Variants in DLEU7 observed in about 807,000 individuals in gnomAD.
DLEU7 encodes the protein deleted in lymphocytic leukemia 7.
Under a neutral mutation model 16.0 loss-of-function variants are expected in DLEU7, and 17 were observed. The observed-to-expected ratio is 1.06, with a 90% CI of 0.73 to 1.59. DLEU7 has a LOEUF of 1.59. DLEU7 is among the 40% of genes most tolerant of loss of function. The pLI is 0.00. For missense variants in DLEU7, 308 were observed against 314.9 expected (o/e 0.98, Z 0.17); for synonymous variants, 113 against 139.8 (o/e 0.81, Z 1.35).
At chr13:50,822,779 T>C, downstream of DLEU7, 27 of 985,730 alleles carry the variant, frequency 2.7e-5, no homozygotes, top group Non-Finnish European at 3.1e-5. Context: ...AGTAAGTTAT[T>C]AATGTCAGGA....
intron 1 of DLEU7, among the ~76,000 whole-genome samples, chr13:50,736,492 A>G (rs1874074373): frequency 6.6e-6 from 1 of 152,294 alleles, no homozygotes; most frequent in South Asian, 2.1e-4. Context: ...ACATATACGC[A>G]GAACCTAAAA....
chr13:50,711,796 A>G (rs1566225472), downstream of DLEU7: 1 of 20,878 alleles, frequency 4.8e-5, no homozygotes, highest in Non-Finnish European at 7.6e-5. Context: ...ATTACTACCT[A>G]TACCTACATG....
chr13:50,771,878 A>G (rs1055889080), intron 1 of DLEU7, among the ~76,000 whole-genome samples: 1 of 152,094 alleles, frequency 6.6e-6, no homozygotes, highest in Non-Finnish European at 1.5e-5. Flanking sequence ...AAAGTCTCTC[A>G]TTATTATTGT....
chr13:50,843,913 T>C, upstream of DLEU7: 3 of 457,990 alleles, frequency 6.6e-6, no homozygotes, highest in Non-Finnish European at 7.7e-6. This position sits in a 1 kb window ranked among gnomAD's most constrained non-coding sequence, Gnocchi z 5.7. Flanking sequence ...AGCGAAATGC[T>C]GAGCGTTGCT....
At position 50,722,300 on chromosome 13, in the gene DLEU7, G is replaced by C. The variant is rs1383540047; in HGVS notation, c.460-9060C>G. Among the ~76,000 whole-genome samples the C allele has an allele frequency of 2.6e-5, 4 of 152,174 alleles. No homozygotes were observed. In the East Asian group the frequency reaches 7.7e-4, roughly 29 times the overall value. Reference sequence around the variant, plus strand: ...TCTGTATCATTATGAGAGCATGGCTGGGTTCACCTGCTTTTCCAGGAGGAG... The same window carrying C: ...TCTGTATCATTATGAGAGCATGGCTCGGTTCACCTGCTTTTCCAGGAGGAG... On this transcript the variant is annotated intron_variant, in intron 1 of 1. Transcript: ENST00000400393.
rs74804752 is a variant in DLEU7, at chr13:50,725,595, G to A, written c.460-12355C>T. Among the ~76,000 whole-genome samples, 1,387 of 152,262 alleles carry A rather than the reference G, an allele frequency of 9.1e-3. 22 individuals are homozygous for A. Among genetic ancestry groups the A allele is most frequent in the African/African-American group, 0.032 (1,325 of 41,546 alleles). The stretch of plus-strand genomic sequence containing the variant: ...TCAGAATGAAAAGTGAGCCCGTGTA[G>A]CATAATTTCATGTTTTCATCAAGAG... On this transcript the variant is annotated intron_variant, in intron 1 of 1. Transcript: ENST00000400393.
rs947340112 is a variant in DLEU7 at position 50,822,980 on chromosome 13, C to T, written c.*334G>A. ...CTTTAGACCTACATTAATATGAATACAAATTAAGGTATCATTCAATAAAAA... is the reference window on the plus strand; with the variant it reads ...CTTTAGACCTACATTAATATGAATATAAATTAAGGTATCATTCAATAAAAA... On this transcript the variant is annotated 3_prime_UTR_variant, in exon 2 of 2. Coordinates refer to ENST00000504404, the MANE Select transcript of DLEU7 (RefSeq NM_001306135.2). 4.6e-5 allele frequency: 42 copies of T among 916,480 alleles called. No individual in the cohort carries two copies. Among genetic ancestry groups the T allele is most frequent in the Non-Finnish European group, 5.4e-5 (41 of 756,972 alleles). The allele number at this position is 916,480 out of a possible 1,614,324, so 56.8% of individuals were successfully genotyped here. A position where few individuals can be genotyped will look rare whatever the true frequency, so the allele number is the denominator to read the frequency against.
At chr13:50,789,629 T>C (rs1875891248) in intron 1 of DLEU7, among the ~76,000 whole-genome samples, 1 of 152,070 alleles carries the variant, frequency 6.6e-6, no homozygotes, top group African/African-American at 2.4e-5. Context: ...CAATGCCTAC[T>C]TGATTGCAAG....
rs1874477489 is a variant in DLEU7, at chr13:50,748,777, A to G, written c.460-35537T>C. Among the ~76,000 whole-genome samples the G allele has an allele frequency of 3.3e-5, 5 of 152,126 alleles. No homozygotes were observed. The South Asian group carries it at 1.0e-3, about 31-fold the overall frequency. On this transcript the variant is annotated intron_variant, in intron 1 of 1. Coordinates refer to the DLEU7 transcript ENST00000400393. ...AGGAGAAGGAGAAGAAAAAGAAGAGAGAATTGGAGAAAAGAGAGGCGAAAT... is the reference window on the plus strand; with the variant it reads ...AGGAGAAGGAGAAGAAAAAGAAGAGGGAATTGGAGAAAAGAGAGGCGAAAT...
chr13:50,782,100 GAAGCCTTTCT>G (rs529143831), intron 1 of DLEU7, among the ~76,000 whole-genome samples: 54 of 152,254 alleles, frequency 3.5e-4, no homozygotes, highest in Non-Finnish European at 5.9e-5. Flanking sequence ...TATATTTCAA[GAAGCCTTTCT>G]TAACACTCTC....
At chr13:50,798,925 G>C (rs184531733) in intron 1 of DLEU7, among the ~76,000 whole-genome samples, 147 of 152,302 alleles carry the variant, frequency 9.7e-4, no homozygotes, top group African/African-American at 3.4e-3. Flanking sequence ...GCATGCCACT[G>C]TCCAGGGCTT....
chr13:50,723,071 A>G (rs910308817), intron 1 of DLEU7: 2 of 152,168 alleles, frequency 1.3e-5, no homozygotes, highest in Non-Finnish European at 1.5e-5. Flanking sequence ...TATGTTTCTA[A>G]TTTTCAGTGC....
chr13:50,801,400 C>T (rs780588259), intron 1 of DLEU7, among the ~76,000 whole-genome samples: 6 of 152,102 alleles, frequency 3.9e-5, no homozygotes, highest in Admixed American at 6.6e-5. Context: ...GTTCATACTT[C>T]GAAGTGTCAT....
At chr13:50,712,904 G>T in exon 2 of DLEU7, 1 of 343,968 alleles carries the variant, frequency 2.9e-6, no homozygotes, top group Non-Finnish European at 5.3e-6. Flanking sequence ...AGAGCAAACA[G>T]GGGTAGGGAA....
At chr13:50,764,065 C>T (rs1011438252) in intron 1 of DLEU7, among the ~76,000 whole-genome samples, 3 of 152,196 alleles carry the variant, frequency 2.0e-5, no homozygotes, top group Admixed American at 1.3e-4. Context: ...TGTACTAGAA[C>T]GCACATGGGC....
At chr13:50,739,653 A>G (rs1467807360) in intron 1 of DLEU7, among the ~76,000 whole-genome samples, 5 of 152,190 alleles carry the variant, frequency 3.3e-5, no homozygotes, top group Non-Finnish European at 5.9e-5. Flanking sequence ...TAGGTGGATT[A>G]GAGGAACGAG....
chr13:50,727,133 G>A (rs908010710), intron 1 of DLEU7, among the ~76,000 whole-genome samples: 5 of 152,036 alleles, frequency 3.3e-5, no homozygotes, highest in Non-Finnish European at 7.4e-5. Context: ...ATAATTCTAC[G>A]AGGTCTATGA....
chr13:50,767,492 T>C (rs1593550239), intron 1 of DLEU7, among the ~76,000 whole-genome samples: 1 of 150,244 alleles, frequency 6.7e-6, no homozygotes, highest in East Asian at 1.9e-4. Flanking sequence ...CAGACATGCA[T>C]TTCCACCTGG....
downstream of DLEU7, among the ~76,000 whole-genome samples, chr13:50,820,078 A>T (rs1219452437): frequency 1.3e-5 from 2 of 152,180 alleles, no homozygotes; most frequent in Admixed American, 1.3e-4. Context: ...GGGAATAGTC[A>T]GCCGCATCAA....
Sources: gnomAD v4.1 joint callset for allele counts (sites outside exome capture counted in the v4.1 genomes callset) on GRCh38, gnomAD v4.1.1 for gene constraint, Gnocchi (gnomAD v3.1) non-coding constraint, MANE v1.5 for transcripts, NCBI Gene and HGNC (gene_info 2026-07-23, HGNC 2026-07-21) for gene names.